The following DNASE1 variants were observed in gnomAD, a reference collection of about 807,000 sequenced individuals.
The protein encoded by DNASE1 is deoxyribonuclease 1, also known as deoxyribonuclease-1.
A neutral mutation model predicts 33.9 loss-of-function variants in DNASE1; 40 were observed. The observed-to-expected ratio is 1.18, with a 90% CI of 0.92 to 1.54. The LOEUF is 1.54. Among genes scored for constraint, DNASE1 ranks in the 40% most tolerant of loss-of-function variants. The pLI is 0.00. For synonymous variants in DNASE1, 216 were observed against 160.0 expected (o/e 1.35, Z -2.64); for missense variants, 518 against 372.6 (o/e 1.39, Z -3.21).
intron 2 of DNASE1, 104 bp downstream of exon 2, chr16:3,655,624 C>A (rs1877026077): frequency 1.3e-6 from 2 of 1,543,116 alleles, no homozygotes; most frequent in Non-Finnish European, 1.8e-6. Context: ...GTGTGGGGTA[C>A]TGAGCACCAC....
At chr16:3,640,831 C>G (rs2042007295), upstream of DNASE1, 1 of 398,642 alleles carries the variant, frequency 2.5e-6, no homozygotes, top group Non-Finnish European at 4.4e-6. Flanking sequence ...GTGGCTGTCA[C>G]TCCTGGGCCC....
chr16:3,656,958 C>T (rs754538110), intron 5 of DNASE1, 41 bp from the exon 6 acceptor site: 8 of 1,603,766 alleles, frequency 5.0e-6, no homozygotes, highest in East Asian at 2.2e-5. Flanking sequence ...CTGAACCTGC[C>T]CCCAGGGAGT....
At chr16:3,658,921 C>CCTTCATGTTTT, downstream of DNASE1, 3 of 1,571,710 alleles carry the variant, frequency 1.9e-6, no homozygotes, top group Non-Finnish European at 2.6e-6. Flanking sequence ...TGTGACCCTC[C>CCTTCATGTTTT]CTTCATGTTT....
upstream of DNASE1, among the ~76,000 whole-genome samples, chr16:3,641,632 C>T (rs979807587): frequency 6.6e-6 from 1 of 152,220 alleles, no homozygotes; most frequent in East Asian, 1.9e-4. Flanking sequence ...TCAGAAAACA[C>T]GAAGTGCTTT....
At chr16:3,615,530 G>C (rs1324962435) in intron 1 of DNASE1, among the ~76,000 whole-genome samples, 1 of 152,172 alleles carries the variant, frequency 6.6e-6, no homozygotes, top group East Asian at 1.9e-4. Flanking sequence ...TTCCCTGTCA[G>C]CATTTGAGGC....
At chr16:3,647,660 C>T (rs1386407596) in intron 1 of DNASE1, among the ~76,000 whole-genome samples, 2 of 152,180 alleles carry the variant, frequency 1.3e-5, no homozygotes, top group Middle Eastern at 3.4e-3. Context: ...GAAGCAAATC[C>T]CAGGTACTGT....
At chr16:3,626,731 G>A (rs530476733) in intron 1 of DNASE1, among the ~76,000 whole-genome samples, 1 of 152,196 alleles carries the variant, frequency 6.6e-6, no homozygotes, top group Admixed American at 6.6e-5. Flanking sequence ...AGCTCTGATA[G>A]TGGATTTGTC....
chr16:3,619,235 C>T (rs1046083879), intron 1 of DNASE1, among the ~76,000 whole-genome samples: 10 of 152,056 alleles, frequency 6.6e-5, no homozygotes, highest in African/African-American at 2.2e-4. Flanking sequence ...AGGGTTTTGC[C>T]ATGTTGCCCA....
chr16:3,657,735 G>C lies in DNASE1; in HGVS notation c.720G>C (p.Gly240=), dbSNP rs917627621. ...CACCCATCAGGATCGTGGTTGCAGGGATGCTGCTCCGAGGCGCCGTTGTTC... is the reference window on the plus strand; with the variant it reads ...CACCCATCAGGATCGTGGTTGCAGGCATGCTGCTCCGAGGCGCCGTTGTTC... ...HCAYDRIVVA[G]MLLRGAVVPD... Residue 240 remains glycine, a synonymous_variant, in exon 8 of 9, where the codon GGG becomes GGC. Transcript: ENST00000246949. 5 of 1,613,934 alleles carry C rather than the reference G, an allele frequency of 3.1e-6. No homozygotes were observed. Among genetic ancestry groups the C allele is most frequent in the Admixed American group, 1.7e-5 (1 of 60,030 alleles).
intron 1 of DNASE1, among the ~76,000 whole-genome samples, chr16:3,615,213 AAC>A (rs1273084229): frequency 6.6e-6 from 1 of 152,168 alleles, no homozygotes; most frequent in East Asian, 1.9e-4. Flanking sequence ...CAACTGAACA[AAC>A]ACTGTAGGCT....
exon 1 of DNASE1, chr16:3,611,810 G>C (rs995338046): frequency 2.0e-5 from 3 of 152,202 alleles, no homozygotes; most frequent in African/African-American, 4.8e-5. Flanking sequence ...TTTTGAGAAA[G>C]AGTTAGGGCG....
intron 1 of DNASE1, among the ~76,000 whole-genome samples, chr16:3,620,346 T>C (rs2041263658): frequency 6.6e-6 from 1 of 152,022 alleles, no homozygotes; most frequent in Non-Finnish European, 1.5e-5. Context: ...AAAGGCTTCG[T>C]ATAATTAGTA....
chr16:3,612,435 G>A (rs2040917634), intron 1 of DNASE1, among the ~76,000 whole-genome samples: 1 of 151,814 alleles, frequency 6.6e-6, no homozygotes, highest in Admixed American at 6.6e-5. Context: ...GTTTTTAGTA[G>A]AGACTAGGTT....
chr16:3,655,617 T>TG (rs1255399219), intron 2 of DNASE1, 97 bp downstream of exon 2: 1 of 1,578,458 alleles, frequency 6.3e-7, no homozygotes, highest in Non-Finnish European at 8.7e-7. Context: ...GTGTCGGGTG[T>TG]GGGGTACTGA....
Position 3,613,908 on chromosome 16 carries a change from A to ATTTTTTTTTTT in DNASE1, c.-1359+1915_-1359+1925dup, listed in dbSNP as rs200976238. Among the ~76,000 whole-genome samples, 271 of 113,120 alleles carry ATTTTTTTTTTT rather than the reference A, an allele frequency of 2.4e-3. 2 individuals carry two copies. Among genetic ancestry groups the ATTTTTTTTTTT allele is most frequent in the African/African-American group, 9.8e-3 (263 of 26,728 alleles). 74.2% of individuals were successfully genotyped at this position (113,120 alleles called of 152,430 possible). A position where few individuals can be genotyped will look rare whatever the true frequency, so the allele number is the denominator to read the frequency against. ...AGGCGCCCGCAACCGCGCCTGGCTAATTTTTTTTTTTTTTTTTTTTTTTGG... is the reference window on the plus strand; with the variant it reads ...AGGCGCCCGCAACCGCGCCTGGCTAATTTTTTTTTTTTTTTTTTTTTTTTTTTTTTTTTTGG... On this transcript the variant is annotated intron_variant and NMD_transcript_variant, in intron 1 of 11. Transcript: ENST00000570769.
At chr16:3,655,545 A>G (rs1448086184) in intron 2 of DNASE1, 25 bp downstream of exon 2, 5 of 1,613,586 alleles carry the variant, frequency 3.1e-6, no homozygotes, top group Non-Finnish European at 4.2e-6. Flanking sequence ...GCCTCCCCCC[A>G]AAAGCAGAGG....
intron 1 of DNASE1, among the ~76,000 whole-genome samples, chr16:3,623,572 T>G (rs780564719): frequency 2.2e-4 from 34 of 151,986 alleles, no homozygotes; most frequent in Non-Finnish European, 4.9e-4. Flanking sequence ...ATTTGCAAAT[T>G]AAGCCTCTGG....
intron 1 of DNASE1, among the ~76,000 whole-genome samples, chr16:3,623,306 G>A (rs74678151): frequency 0.063 from 9,523 of 151,984 alleles, 320 homozygotes; most frequent in Admixed American, 0.076. Context: ...AAATGAAACC[G>A]TACCTCTATC....
chr16:3,617,323 T>G (rs2041139877), intron 1 of DNASE1, among the ~76,000 whole-genome samples: 1 of 47,684 alleles, frequency 2.1e-5, no homozygotes, highest in Non-Finnish European at 3.1e-5. Flanking sequence ...CGAAACTCCA[T>G]CTCAAAAAAA....
Sources: allele counts gnomAD v4.1 joint callset (sites outside exome capture counted in the v4.1 genomes callset), GRCh38; gene constraint gnomAD v4.1.1; transcripts MANE v1.5; gene names NCBI Gene and HGNC (gene_info 2026-07-23, HGNC 2026-07-21).